The following RIC1 variants were observed in gnomAD, a reference collection of about 807,000 sequenced individuals.
The protein encoded by RIC1 is RIC1 partner of RAB6A GEF complex.
A neutral mutation model predicts 169.0 loss-of-function variants in RIC1; 88 were observed. The ratio of observed to expected loss-of-function variants is 0.52; its 90% CI spans 0.44 to 0.62. The LOEUF (loss-of-function observed/expected upper bound fraction) is 0.62. RIC1 is among the 20% of genes least tolerant of loss of function. The pLI, the probability that RIC1 is intolerant of heterozygous loss-of-function variation, is 0.00. For missense variants in RIC1, 1,877 were observed against 1,725.5 expected, an observed-to-expected ratio of 1.09 and a Z score of -1.56; for synonymous variants, 790 against 601.5, an observed-to-expected ratio of 1.31 and a Z score of -4.59.
rs769746831 is a variant in RIC1, at chr9:5,774,523, T to TTACTCAA, written c.*277_*278insTACTCAA. On this transcript the variant is annotated 3_prime_UTR_variant, in exon 26 of 26. Transcript: ENST00000414202. Reference sequence around the variant, plus strand: ...TATTTTGGTTTTACTCAAAGGTTGGTAGCTCTTAAACCACAGGAATTGTTT... The same window carrying TTACTCAA: ...TATTTTGGTTTTACTCAAAGGTTGGTTACTCAAAGCTCTTAAACCACAGGAATTGTTT... The TTACTCAA allele has an allele frequency of 3.1e-5, 8 of 256,700 alleles. No homozygotes were observed. Among genetic ancestry groups the TTACTCAA allele is most frequent in the Non-Finnish European group, 5.1e-5 (7 of 136,100 alleles). The allele number at this position is 256,700 out of a possible 1,614,324, so 15.9% of individuals were successfully genotyped here.
At chr9:5,743,249 A>C (rs1250434105) in intron 9 of RIC1, among the ~76,000 whole-genome samples, 1 of 152,194 alleles carries the variant, frequency 6.6e-6, no homozygotes, top group East Asian at 1.9e-4. Context: ...TATATATGAC[A>C]GCATGTTAGA....
intron 1 of RIC1, among the ~76,000 whole-genome samples, chr9:5,637,682 A>G (rs1381954257): frequency 6.6e-6 from 1 of 152,182 alleles, no homozygotes; most frequent in Non-Finnish European, 1.5e-5. Context: ...TTTGATTTGT[A>G]GATCCCACAA....
intron 8 of RIC1, among the ~76,000 whole-genome samples, chr9:5,739,957 T>C (rs570102263): frequency 6.6e-6 from 1 of 152,164 alleles, no homozygotes; most frequent in Middle Eastern, 3.4e-3. Flanking sequence ...ATGATAAGAG[T>C]TTGTCTCTGT....
intron 3 of RIC1, among the ~76,000 whole-genome samples, chr9:5,709,875 AT>A (rs1410314824): frequency 2.0e-5 from 3 of 152,190 alleles, no homozygotes; most frequent in Non-Finnish European, 2.9e-5. Context: ...ATTTACTTAA[AT>A]TTGCTTTAAA....
At chr9:5,700,697 A>G (rs995301961) in intron 3 of RIC1, among the ~76,000 whole-genome samples, 2 of 152,158 alleles carry the variant, frequency 1.3e-5, no homozygotes, top group African/African-American at 4.8e-5. Context: ...AAAGCATGAT[A>G]TATGCATTGT....
intron 2 of RIC1, among the ~76,000 whole-genome samples, chr9:5,657,667 A>G (rs541535094): frequency 6.6e-6 from 1 of 152,228 alleles, no homozygotes; most frequent in East Asian, 1.9e-4. Flanking sequence ...TACTGTATAT[A>G]ACACTGACTA....
chr9:5,742,785 A>G (rs1270860562), intron 8 of RIC1, 84 bp from the exon 9 acceptor site: 23 of 1,218,790 alleles, frequency 1.9e-5, no homozygotes, highest in Non-Finnish European at 2.5e-5. Flanking sequence ...ATTTGAAAAT[A>G]CAGATTGTAT....
At chr9:5,649,775 T>G (rs964724822) in intron 1 of RIC1, among the ~76,000 whole-genome samples, 1 of 152,086 alleles carries the variant, frequency 6.6e-6, no homozygotes. Context: ...TACTTACAAG[T>G]TGATGTCTGT....
In RIC1 at chr9:5,730,430, A is replaced by G. The variant is rs962904946; in HGVS notation, c.721-1958A>G. On this transcript the variant is annotated intron_variant, in intron 6 of 25. Coordinates refer to ENST00000414202, the MANE Select transcript of RIC1 (RefSeq NM_020829.4). ...AACAACACAGATAGATCTTACAGAC[A>G]TGGTAAGCAAAAAACAGCTAGACAC... 1.1e-3 allele frequency among the ~76,000 whole-genome samples: 162 copies of G among 152,314 alleles called. 1 individual carries two copies. Among genetic ancestry groups the G allele is most frequent in the African/African-American group, 3.7e-3 (153 of 41,580 alleles).
chr9:5,631,676 A>G, intron 1 of RIC1, among the ~76,000 whole-genome samples: 1 of 136,968 alleles, frequency 7.3e-6, no homozygotes, highest in South Asian at 2.3e-4. Context: ...ACAGAGCAAG[A>G]CTCTGTCTCA....
At chr9:5,743,614 T>A (rs1251174954) in intron 9 of RIC1, 75 bp from the exon 10 acceptor site, 10 of 1,224,984 alleles carry the variant, frequency 8.2e-6, no homozygotes, top group Non-Finnish European at 1.1e-5. Context: ...TTTGATTTTT[T>A]AAAAAACACT....
At chr9:5,720,074 A>G in intron 4 of RIC1, 108 bp from the exon 5 acceptor site, 1 of 755,054 alleles carries the variant, frequency 1.3e-6, no homozygotes, top group Non-Finnish European at 2.1e-6. Context: ...TGTTTTGTAA[A>G]TGGTTTCATG....
chr9:5,758,926 G>C (rs1216193491), intron 17 of RIC1, among the ~76,000 whole-genome samples: 2 of 151,774 alleles, frequency 1.3e-5, no homozygotes, highest in African/African-American at 2.4e-5. Flanking sequence ...TGTATATTTA[G>C]TAGAGACAGG....
At chr9:5,644,393 C>G (rs1167217397) in intron 1 of RIC1, among the ~76,000 whole-genome samples, 3 of 152,062 alleles carry the variant, frequency 2.0e-5, no homozygotes, top group African/African-American at 7.2e-5. Flanking sequence ...TTTCTTTTTT[C>G]AAAATGTGTG....
At chr9:5,753,114 G>T in intron 12 of RIC1, 86 bp from the exon 13 acceptor site, 1 of 1,222,904 alleles carries the variant, frequency 8.2e-7, no homozygotes, top group Non-Finnish European at 1.2e-6. Context: ...TGTTCGGCAA[G>T]ATGAATCTCA....
At chr9:5,685,677 A>G (rs1478980073) in intron 2 of RIC1, among the ~76,000 whole-genome samples, 2 of 151,390 alleles carry the variant, frequency 1.3e-5, no homozygotes, top group Non-Finnish European at 3.0e-5. Context: ...AAAACCCTAG[A>G]AGAAAACCTA....
At chr9:5,777,227 C>T (rs1049878075), downstream of RIC1, among the ~76,000 whole-genome samples, 2 of 151,798 alleles carry the variant, frequency 1.3e-5, no homozygotes, top group African/African-American at 4.8e-5. Flanking sequence ...ATTCTGGATA[C>T]TACTCTTTTA....
Position 5,720,732 on chromosome 9 carries a change from A to C in RIC1, c.702A>C (p.Ser234=), listed in dbSNP as rs748817341. The stretch of plus-strand genomic sequence containing the variant: ...AAGTTGGATTTATTACACCAGTGTC[A>C]AGTAGATTTACTGCAGAGGTATGAC... ...DGKVGFITPV[S]SRFTAEQLHG... The change falls in exon 6 of 26, where the codon TCA becomes TCC. Residue 234 remains serine (S), a synonymous_variant. Coordinates refer to ENST00000414202, the MANE Select transcript of RIC1 (RefSeq NM_020829.4). The C allele has an allele frequency of 8.2e-5, 132 of 1,608,152 alleles. No homozygotes were observed. The highest frequency in any genetic ancestry group is 6.1e-4 in the Admixed American group (36 of 58,590).
At position 5,774,302 on chromosome 9, in the gene RIC1, T is replaced by C; in HGVS notation, c.*56T>C. The C allele has an allele frequency of 6.9e-7, 1 of 1,455,576 alleles. No individual in the cohort carries two copies. Among genetic ancestry groups the C allele is most frequent in the Non-Finnish European group, 9.3e-7 (1 of 1,074,444 alleles). The allele number at this position is 1,455,576 out of a possible 1,614,324, so 90.2% of individuals were successfully genotyped here. A position where few individuals can be genotyped will look rare whatever the true frequency, so the allele number is the denominator to read the frequency against. On this transcript the variant is annotated 3_prime_UTR_variant, in exon 26 of 26. Coordinates refer to ENST00000414202, the MANE Select transcript of RIC1 (RefSeq NM_020829.4). Reference sequence around the variant, plus strand: ...TAATTAGCAGCAGCGTGCAGCTCAGTACGTTGTAACATAGTTGGATGATTT... The same window carrying C: ...TAATTAGCAGCAGCGTGCAGCTCAGCACGTTGTAACATAGTTGGATGATTT...
Sources: gnomAD v4.1 joint callset for allele counts (sites outside exome capture counted in the v4.1 genomes callset) on GRCh38, gnomAD v4.1.1 for gene constraint, MANE v1.5 for transcripts, NCBI Gene and HGNC (gene_info 2026-07-23, HGNC 2026-07-21) for gene names.